Variants in ATRX observed in about 807,000 individuals in gnomAD.
ATRX encodes ATRX chromatin remodeler.
In ATRX, 12 loss-of-function variants were observed where a neutral mutation model predicts 172.6. The observed-to-expected ratio is 0.07, with a 90% confidence interval of 0.04 to 0.11. The LOEUF is 0.11. ATRX is among the 10% of genes least tolerant of loss of function. The pLI, the probability that ATRX is intolerant of heterozygous loss-of-function variation, is 1.00. For missense variants in ATRX, 1,368 were observed against 1,767.4 expected, an observed-to-expected ratio of 0.77 and a Z score of 4.05; for synonymous variants, 674 against 594.7, an observed-to-expected ratio of 1.13 and a Z score of -1.94.
chrX:77,617,535 T>G (rs1477768827), intron 21 of ATRX, among the ~76,000 whole-genome samples: 10 of 111,342 alleles, frequency 9.0e-5, no homozygotes, highest in Non-Finnish European at 1.7e-4. Context: ...ATGTAGTGTT[T>G]GCATATAACA....
chrX:77,682,286 T>C lies in ATRX; in HGVS notation c.2970A>G (p.Glu990=), dbSNP rs782253066. The part of the protein sequence containing the change: ...DDKKQSKKGT[E]EKKKPSDFKK... ...TAAAGTCTGAAGGTTTCTTTTTTTC[T>C]TCAGTTCCCTTTTTGCTCTGCTTTT... Residue 990 remains glutamate (E), a synonymous_variant, in exon 9 of 35, where the codon GAA becomes GAG. Coordinates refer to ENST00000373344, the MANE Select transcript of ATRX (RefSeq NM_000489.6). 7.3e-5 allele frequency: 88 copies of C among 1,198,041 alleles called. 1 individual carries two copies. The South Asian group carries it at 1.6e-3, about 22-fold the overall frequency.
At chrX:77,762,261 C>T (rs1465632775) in intron 1 of ATRX, among the ~76,000 whole-genome samples, 2 of 98,797 alleles carry the variant, frequency 2.0e-5, no homozygotes, top group Non-Finnish European at 2.0e-5. Context: ...GCAGAGATCA[C>T]GCCACTGCAC....
intron 1 of ATRX, among the ~76,000 whole-genome samples, chrX:77,780,487 AGAT>A: frequency 9.2e-6 from 1 of 109,110 alleles, no homozygotes; most frequent in South Asian, 4.1e-4. Flanking sequence ...CACCACACCG[AGAT>A]GATTTTTTTT....
chrX:77,733,473 A>G (rs940913053), intron 1 of ATRX, among the ~76,000 whole-genome samples: 3 of 110,950 alleles, frequency 2.7e-5, no homozygotes, highest in Non-Finnish European at 5.7e-5. Context: ...CAATGGACAG[A>G]ATACAGAACT....
intron 30 of ATRX, among the ~76,000 whole-genome samples, chrX:77,546,917 G>A (rs1273282757): frequency 8.9e-6 from 1 of 111,945 alleles, no homozygotes; most frequent in Non-Finnish European, 1.9e-5. Flanking sequence ...AAATTCATTT[G>A]TTCACATAGC....
At chrX:77,758,314 C>A (rs2075586482) in intron 1 of ATRX, among the ~76,000 whole-genome samples, 1 of 107,970 alleles carries the variant, frequency 9.3e-6, no homozygotes, top group African/African-American at 3.4e-5. Flanking sequence ...CGCTTGAACC[C>A]GGGACACGGA....
intron 1 of ATRX, among the ~76,000 whole-genome samples, chrX:77,780,919 T>C (rs2076546878): frequency 9.1e-6 from 1 of 110,189 alleles, no homozygotes; most frequent in African/African-American, 3.3e-5. Context: ...ACAGCTTGGG[T>C]GACAGTGAGA....
At chrX:77,725,685 A>G (rs1224425871) in intron 1 of ATRX, among the ~76,000 whole-genome samples, 2 of 112,127 alleles carry the variant, frequency 1.8e-5, no homozygotes, top group African/African-American at 6.5e-5. Flanking sequence ...GTGAACAGGC[A>G]AACTACAGAA....
chrX:77,543,116 G>GA, intron 30 of ATRX, among the ~76,000 whole-genome samples: 1 of 111,196 alleles, frequency 9.0e-6, no homozygotes, highest in Non-Finnish European at 1.9e-5. Flanking sequence ...AAATTTACAA[G>GA]AAAAAAACAA....
intron 1 of ATRX, among the ~76,000 whole-genome samples, chrX:77,730,260 G>A (rs2074242341): frequency 8.9e-6 from 1 of 112,105 alleles, no homozygotes; most frequent in Non-Finnish European, 1.9e-5. Flanking sequence ...ACTATATAAT[G>A]ATAAAGCAGT....
intron 2 of ATRX, among the ~76,000 whole-genome samples, chrX:77,716,301 TAAAAA>T (rs35192332): frequency 1.3e-4 from 5 of 37,852 alleles, no homozygotes; most frequent in East Asian, 8.5e-4. Flanking sequence ...CTCGTCTCTT[TAAAAA>T]AAAAAAAAAA....
chrX:77,659,930 C>T (rs1402725895), intron 12 of ATRX, among the ~76,000 whole-genome samples: 1 of 111,247 alleles, frequency 9.0e-6, no homozygotes, highest in African/African-American at 3.3e-5. Flanking sequence ...CCACTATGAT[C>T]ACAATCCATA....
intron 22 of ATRX, chrX:77,616,386 C>A: frequency 9.7e-7 from 1 of 1,031,513 alleles, no homozygotes; most frequent in Non-Finnish European, 1.3e-6. Flanking sequence ...AAATTAAGGG[C>A]ATTATTCATA....
At chrX:77,538,696 C>CAGT (rs1310662890) in intron 30 of ATRX, among the ~76,000 whole-genome samples, 1 of 111,441 alleles carries the variant, frequency 9.0e-6, no homozygotes, top group Non-Finnish European at 1.9e-5. Context: ...ATGAAAAACA[C>CAGT]AGTAGCCTGA....
chrX:77,696,552 T>G, intron 5 of ATRX, 25 bp downstream of exon 5: 1 of 1,198,845 alleles, frequency 8.3e-7, no homozygotes, highest in Non-Finnish European at 1.1e-6. Context: ...CAACTTTAAC[T>G]TCATGAAAAA....
chrX:77,580,210 C>A (rs1161444654), intron 27 of ATRX, among the ~76,000 whole-genome samples: 1 of 111,566 alleles, frequency 9.0e-6, no homozygotes, highest in Non-Finnish European at 1.9e-5. Context: ...AGATATCGGT[C>A]TTAAACAGGA....
chrX:77,648,625 T>A lies in ATRX; in HGVS notation c.4557+3489A>T, dbSNP rs1244498329. Among the ~76,000 whole-genome samples, 14 of 26,595 alleles carry A rather than the reference T, an allele frequency of 5.3e-4. No individual in the cohort carries two copies. In the South Asian group the frequency reaches 0.017, roughly 32 times the overall value. The allele number at this position is 26,595 out of a possible 115,157, so 23.1% of individuals were successfully genotyped here. On this transcript the variant is annotated intron_variant, in intron 15 of 34. Transcript: ENST00000373344. ...AAAATTAATGAAATCCAAAGCTGCG[T>A]TTTTTTTTTTTTTTGAGATAGTAAA...
chrX:77,543,636 G>A (rs1208648874), intron 30 of ATRX, among the ~76,000 whole-genome samples: 2 of 111,688 alleles, frequency 1.8e-5, no homozygotes, highest in East Asian at 5.6e-4. Flanking sequence ...CCATAAAAAA[G>A]AACGAGTTCA....
intron 22 of ATRX, among the ~76,000 whole-genome samples, chrX:77,606,196 C>A (rs782072322): frequency 5.4e-4 from 59 of 108,880 alleles, no homozygotes; most frequent in Non-Finnish European, 8.0e-4. Context: ...GGTAAATTTA[C>A]CCCAATTTAT....
Sources: allele counts gnomAD v4.1 joint callset (sites outside exome capture counted in the v4.1 genomes callset), GRCh38; gene constraint gnomAD v4.1.1; transcripts MANE v1.5; gene names NCBI Gene and HGNC (gene_info 2026-07-23, HGNC 2026-07-21).